DNAJC13: variants seen among roughly 807,000 people sequenced by gnomAD.
DNAJC13 encodes dnaJ homolog subfamily C member 13.
DNAJC13 carries 75 observed loss-of-function variants against 290.5 expected under a neutral mutation model. The ratio of observed to expected loss-of-function variants is 0.26; its 90% confidence interval spans 0.21 to 0.31. DNAJC13 has a LOEUF of 0.31. Among genes scored for constraint, DNAJC13 ranks in the 10% least tolerant of loss-of-function variants. The pLI, the probability that DNAJC13 is intolerant of heterozygous loss-of-function variation, is 1.00. For synonymous variants in DNAJC13, 862 were observed against 892.0 expected (o/e 0.97, Z 0.60); for missense variants, 2,260 against 2,674.5 (o/e 0.85, Z 3.42).
At chr3:132,448,844 T>G (rs1933332659) in intron 5 of DNAJC13, among the ~76,000 whole-genome samples, 1 of 152,190 alleles carries the variant, frequency 6.6e-6, no homozygotes, top group Admixed American at 6.5e-5. Context: ...ACTGGCGAGC[T>G]GCTTATTTCT....
At chr3:132,430,681 C>T (rs1007537416) in intron 1 of DNAJC13, among the ~76,000 whole-genome samples, 3 of 152,170 alleles carry the variant, frequency 2.0e-5, no homozygotes, top group Non-Finnish European at 2.9e-5. Flanking sequence ...TTGTTCCACT[C>T]TTCAGTTATA....
rs202069439 is a variant in DNAJC13, at chr3:132,453,424, C to T, written c.664C>T (p.Arg222Cys). ...PLEFEQYLNL[R>C]FGKYSTDESI... ...AGAATTCGAGCAATATTTGAATCTT[C>T]GCTTTGGAAAATACAGCACTGATGA... The change falls in exon 7 of 56, where the codon CGC becomes TGC. Residue 222 changes from arginine to cysteine, a missense_variant. Physicochemically the swap from Arg to Cys is radical, Grantham distance 180. Coordinates refer to ENST00000260818, the MANE Select transcript of DNAJC13 (RefSeq NM_015268.4). 2.4e-5 allele frequency: 38 copies of T among 1,613,822 alleles called. No homozygotes were observed. Among genetic ancestry groups the T allele is most frequent in the East Asian group, 2.2e-5 (1 of 44,826 alleles).
chr3:132,496,570 A>G lies in DNAJC13; in HGVS notation c.4063A>G (p.Thr1355Ala), dbSNP rs1371915022. Residue 1355 changes from threonine to alanine, a missense_variant, in exon 36 of 56, where the codon ACC becomes GCC. Around this residue, in one of 3 missense-constraint regions of DNAJC13, gnomAD observed 1,494 missense variants for 1,693.7 expected, o/e 0.88. Coordinates refer to ENST00000260818, the MANE Select transcript of DNAJC13 (RefSeq NM_015268.4). Reference protein sequence around the residue: ...KVNKAYEFLCTKSAKIVDGPD... With the variant: ...KVNKAYEFLCAKSAKIVDGPD... ...AAATAAAGCATATGAATTTTTATGT[A>G]CCAAATCAGCAAAAATAGTGGATGG... The G allele has an allele frequency of 1.2e-6, 2 of 1,607,070 alleles. No individual in the cohort carries two copies. Among genetic ancestry groups the G allele is most frequent in the Admixed American group, 1.7e-5 (1 of 59,246 alleles).
intron 55 of DNAJC13, among the ~76,000 whole-genome samples, chr3:132,532,336 AACTTGGTGTG>A: frequency 6.6e-6 from 1 of 152,302 alleles, no homozygotes; most frequent in Non-Finnish European, 1.5e-5. Flanking sequence ...TTTAATTTTA[AACTTGGTGTG>A]ACACTTTTTT....
intron 1 of DNAJC13, among the ~76,000 whole-genome samples, chr3:132,423,107 C>A (rs768758670): frequency 6.6e-6 from 1 of 152,112 alleles, no homozygotes; most frequent in Non-Finnish European, 1.5e-5. Context: ...GAGCTCCAAC[C>A]TAGCTTGAGC....
At chr3:132,475,483 G>C (rs751127966) in intron 22 of DNAJC13, among the ~76,000 whole-genome samples, 6 of 151,284 alleles carry the variant, frequency 4.0e-5, no homozygotes, top group Non-Finnish European at 7.4e-5. Context: ...ATATTTTGCT[G>C]TTCTATTAAA....
chr3:132,479,762 CAA>C (rs925951494), intron 25 of DNAJC13, among the ~76,000 whole-genome samples: 25 of 152,144 alleles, frequency 1.6e-4, no homozygotes, highest in East Asian at 1.4e-3. Flanking sequence ...TCATTTCAAA[CAA>C]GAGGAATTCA....
intron 40 of DNAJC13, 88 bp from the exon 41 acceptor site, chr3:132,503,126 G>A (rs939672995): frequency 1.8e-5 from 25 of 1,386,104 alleles, no homozygotes; most frequent in Non-Finnish European, 2.3e-5. Context: ...CCTTAAATAT[G>A]TTCCATATAG....
At chr3:132,418,209 T>C (rs528425366) in intron 1 of DNAJC13, among the ~76,000 whole-genome samples, 125 of 152,312 alleles carry the variant, frequency 8.2e-4, no homozygotes, top group Admixed American at 2.1e-3. Context: ...CTTTCTTTGC[T>C]TTGTTTCGTT....
intron 43 of DNAJC13, 116 bp downstream of exon 43, chr3:132,507,469 G>T: frequency 3.0e-6 from 2 of 667,448 alleles, no homozygotes; most frequent in Admixed American, 2.8e-5. Flanking sequence ...TCTTTACTGT[G>T]CTGCTTTTTT....
chr3:132,477,664 A>G, intron 22 of DNAJC13, 125 bp from the exon 23 acceptor site: 1 of 658,258 alleles, frequency 1.5e-6, no homozygotes, highest in Non-Finnish European at 2.6e-6. Context: ...TCATGTTAAC[A>G]ATATTGAATT....
intron 20 of DNAJC13, chr3:132,472,419 A>T: frequency 3.1e-6 from 1 of 326,138 alleles, no homozygotes; most frequent in Non-Finnish European, 4.4e-6. Context: ...TCACAGGCTT[A>T]GAGAAGCAGG....
chr3:132,523,925 A>G, intron 51 of DNAJC13: 1 of 486,794 alleles, frequency 2.1e-6, no homozygotes, highest in Non-Finnish European at 3.6e-6. Flanking sequence ...CCAAAGTTAT[A>G]GAGATATCTA....
chr3:132,519,680 C>T (rs1014521955), intron 48 of DNAJC13, among the ~76,000 whole-genome samples: 2 of 151,824 alleles, frequency 1.3e-5, no homozygotes, highest in African/African-American at 4.8e-5. Flanking sequence ...TCCAAGGTTA[C>T]AAAGATTTAT....
intron 13 of DNAJC13, among the ~76,000 whole-genome samples, chr3:132,459,600 T>TA (rs919547458): frequency 6.6e-6 from 1 of 151,826 alleles, no homozygotes; most frequent in Non-Finnish European, 1.5e-5. Context: ...TTTACCACAA[T>TA]AAAAAAAAGT....
intron 28 of DNAJC13, among the ~76,000 whole-genome samples, chr3:132,483,942 T>C (rs559930962): frequency 1.3e-5 from 2 of 152,346 alleles, no homozygotes; most frequent in African/African-American, 4.8e-5. Flanking sequence ...AGAAGGCAAG[T>C]GTAGGCCCAC....
rs779496663 is a variant in DNAJC13 at position 132,473,243 on chromosome 3, C to G, written c.2291+16C>G. The G allele has an allele frequency of 6.6e-7, 1 of 1,525,252 alleles. No homozygotes were observed. The highest frequency in any genetic ancestry group is 1.4e-5 in the African/African-American group (1 of 71,840). 94.5% of individuals were successfully genotyped at this position (1,525,252 alleles called of 1,614,324 possible). A position where few individuals can be genotyped will look rare whatever the true frequency, so the allele number is the denominator to read the frequency against. On this transcript the variant is annotated intron_variant, in intron 21 of 55. Coordinates refer to ENST00000260818, the MANE Select transcript of DNAJC13 (RefSeq NM_015268.4). ...TCTATTATAGGTAAACTTTAGGTCT[C>G]TTTTCCAATAAAGATTAAATTTAGT...
chr3:132,424,504 C>T (rs1417851615), intron 1 of DNAJC13, among the ~76,000 whole-genome samples: 1 of 151,952 alleles, frequency 6.6e-6, no homozygotes, highest in Non-Finnish European at 1.5e-5. Context: ...CCCTGTATTT[C>T]ATTAATATAT....
rs1362120531 is a variant in DNAJC13, at chr3:132,492,460, C to T, written c.3670C>T (p.Pro1224Ser). ...TGCTGCCCATCTCGCGGATTTCACA[C>T]CTCGTCTTCAGAGTAACACAAGAGC... ...KIAAHLADFT[P>S]RLQSNTRALY... Residue 1224 changes from proline (P) to serine (S), a missense_variant, in exon 33 of 56, where the codon CCT becomes TCT. This residue lies in a region of DNAJC13 where 1,494 missense variants were observed against 1,693.7 expected (regional missense o/e 0.88). Coordinates refer to ENST00000260818, the MANE Select transcript of DNAJC13 (RefSeq NM_015268.4). 4 of 1,613,742 alleles carry T rather than the reference C, an allele frequency of 2.5e-6. No homozygotes were observed. In the Admixed American group the frequency reaches 5.0e-5, roughly 20 times the overall value.
Sources: gnomAD v4.1 joint callset for allele counts (sites outside exome capture counted in the v4.1 genomes callset) on GRCh38, gnomAD v4.1.1 for gene constraint, gnomAD v4.1.1 regional missense constraint, MANE v1.5 for transcripts, NCBI Gene and HGNC (gene_info 2026-07-23, HGNC 2026-07-21) for gene names.